Variants in DNASE1L3 observed in about 807,000 individuals in gnomAD.
The protein encoded by DNASE1L3 is deoxyribonuclease 1L3.
In DNASE1L3, 27 loss-of-function variants were observed where a neutral mutation model predicts 30.9. The observed-to-expected ratio is 0.87, with a 90% CI of 0.64 to 1.20. The LOEUF (loss-of-function observed/expected upper bound fraction) is 1.20, where lower values mean the gene tolerates loss of function less well. Among genes scored for constraint, DNASE1L3 ranks in the 50% most tolerant of loss-of-function variants. The pLI is 0.00. For synonymous variants in DNASE1L3, 135 were observed against 138.0 expected (o/e 0.98, Z 0.15); for missense variants, 364 against 378.2 (o/e 0.96, Z 0.31).
At chr3:58,196,425 C>G (rs1354413932) in intron 6 of DNASE1L3, among the ~76,000 whole-genome samples, 3 of 150,782 alleles carry the variant, frequency 2.0e-5, no homozygotes, top group African/African-American at 7.3e-5. Flanking sequence ...TGGTGGCGGG[C>G]GCCTGTAGTC....
chr3:58,210,150 G>A (rs1193554471), intron 1 of DNASE1L3, among the ~76,000 whole-genome samples: 1 of 147,512 alleles, frequency 6.8e-6, no homozygotes, highest in Non-Finnish European at 1.5e-5. Context: ...AGTAAGGAAG[G>A]GAAAGGAAGA....
At chr3:58,208,080 G>T in intron 2 of DNASE1L3, 138 bp downstream of exon 2, 1 of 741,318 alleles carries the variant, frequency 1.3e-6, no homozygotes, top group Non-Finnish European at 2.3e-6. Flanking sequence ...GGCTAAGGGA[G>T]CTGGACTCCT....
intron 2 of DNASE1L3, among the ~76,000 whole-genome samples, chr3:58,206,068 A>T (rs3772987): frequency 0.36 from 54,942 of 151,822 alleles, 10,058 homozygotes; most frequent in Middle Eastern, 0.4. Flanking sequence ...TCTGAAAGCC[A>T]TCAGGCATTT....
At position 58,197,540 on chromosome 3, in the gene DNASE1L3, C is replaced by T. The variant is rs111903065; in HGVS notation, c.704+281G>A. 0.021 allele frequency among the ~76,000 whole-genome samples: 3,235 copies of T among 152,286 alleles called. 107 individuals carry two copies. Among genetic ancestry groups the T allele is most frequent in the African/African-American group, 0.074 (3,062 of 41,544 alleles). On this transcript the variant is annotated intron_variant, in intron 6 of 7. Coordinates refer to ENST00000394549, the MANE Select transcript of DNASE1L3 (RefSeq NM_004944.4). The surrounding 1 kb of genome is among the most constrained non-coding windows in gnomAD (Gnocchi z 5.3). Reference sequence around the variant, plus strand: ...CGATCCTGGCTCACTGCAGCCTCCACCTTCTGGGCTCAAGCGATCCTCCCA... The same window carrying T: ...CGATCCTGGCTCACTGCAGCCTCCATCTTCTGGGCTCAAGCGATCCTCCCA...
chr3:58,194,838 C>T (rs1412710929), intron 6 of DNASE1L3, among the ~76,000 whole-genome samples: 2 of 151,854 alleles, frequency 1.3e-5, no homozygotes, highest in African/African-American at 2.4e-5. Context: ...CTGTGTTAGC[C>T]AGGATGGTCT....
chr3:58,201,275 G>T (rs1364635935), intron 4 of DNASE1L3, among the ~76,000 whole-genome samples, 166 bp from the exon 5 acceptor site: 1 of 152,202 alleles, frequency 6.6e-6, no homozygotes, highest in Non-Finnish European at 1.5e-5. Context: ...TGATCTTGGG[G>T]TCATTAGGCT....
At chr3:58,209,357 G>A (rs1261014903) in intron 1 of DNASE1L3, among the ~76,000 whole-genome samples, 1 of 152,232 alleles carries the variant, frequency 6.6e-6, no homozygotes, top group East Asian at 1.9e-4. Context: ...TTTCATCAGT[G>A]AGGAAGGAGA....
intron 6 of DNASE1L3, 68 bp from the exon 7 acceptor site, chr3:58,193,507 T>C (rs1322524663): frequency 2.2e-6 from 3 of 1,375,166 alleles, no homozygotes; most frequent in Non-Finnish European, 3.1e-6. Flanking sequence ...AACCAAGGTC[T>C]GTGTTTGCTG....
At chr3:58,210,623 G>T in intron 1 of DNASE1L3, 143 bp downstream of exon 1, 1 of 1,259,384 alleles carries the variant, frequency 7.9e-7, no homozygotes, top group Non-Finnish European at 1.1e-6. Context: ...GAGGTACAGA[G>T]AGTTGAAGTG....
rs764788522 is a variant in DNASE1L3, at chr3:58,192,638, A to G, written c.*49T>C. Reference sequence around the variant, plus strand: ...AGGGAGCAGTTCATATCTGTTAGAGACATTTTATTTAGAGGCAAGAAATGG... The same window carrying G: ...AGGGAGCAGTTCATATCTGTTAGAGGCATTTTATTTAGAGGCAAGAAATGG... On this transcript the variant is annotated 3_prime_UTR_variant, in exon 8 of 8. Transcript: ENST00000394549. This position sits in a 1 kb window ranked among gnomAD's most constrained non-coding sequence, Gnocchi z 4.8. The G allele has an allele frequency of 6.4e-6, 10 of 1,560,416 alleles. No homozygotes were observed. Among genetic ancestry groups the G allele is most frequent in the Admixed American group, 1.8e-5 (1 of 54,866 alleles).
At chr3:58,198,003 C>G in intron 5 of DNASE1L3, 25 bp from the exon 6 acceptor site, 1 of 1,588,634 alleles carries the variant, frequency 6.3e-7, no homozygotes, top group South Asian at 1.2e-5. Flanking sequence ...TTGGAACTGT[C>G]ACCTGGTGGG....
chr3:58,201,147 C>G lies in DNASE1L3; in HGVS notation c.434-38G>C, dbSNP rs187597505. 2,062 of 1,547,378 alleles carry G rather than the reference C, an allele frequency of 1.3e-3. 2 individuals are homozygous for G. Among genetic ancestry groups the G allele is most frequent in the Non-Finnish European group, 1.7e-3 (1,897 of 1,126,194 alleles). On this transcript the variant is annotated intron_variant, in intron 4 of 7. Transcript: ENST00000394549. ...AAAGAGGCGGGGGTCACACACTTCC[C>G]CTGTCAAGGTCTCATAAACACTGCT... is the stretch of plus-strand genomic sequence containing the variant.
chr3:58,195,928 T>C (rs1165241536), intron 6 of DNASE1L3, among the ~76,000 whole-genome samples: 1 of 152,176 alleles, frequency 6.6e-6, no homozygotes, highest in African/African-American at 2.4e-5. Context: ...AAAATCAGGA[T>C]CCTTTTAGTA....
intron 1 of DNASE1L3, among the ~76,000 whole-genome samples, chr3:58,208,769 C>T (rs186274051): frequency 4.0e-4 from 61 of 152,228 alleles, no homozygotes; most frequent in African/African-American, 1.3e-3. Flanking sequence ...AAACCTACTC[C>T]GAGCCTTACA....
intron 6 of DNASE1L3, among the ~76,000 whole-genome samples, chr3:58,195,793 A>C (rs1013871467): frequency 6.6e-6 from 1 of 152,124 alleles, no homozygotes; most frequent in Non-Finnish European, 1.5e-5. Flanking sequence ...CTCAAAAAAA[A>C]GAAAAAAAAG....
Position 58,197,849 on chromosome 3 carries a change from T to TCATATGCTCCTACCTGTCATATG in DNASE1L3, c.675_676insCATATGACAGGTAGGAGCATATG (p.Lys226HisfsTer8). On this transcript the variant is annotated frameshift_variant, in exon 6 of 8. Coordinates refer to ENST00000394549, the MANE Select transcript of DNASE1L3 (RefSeq NM_004944.4). LOFTEE classifies it high-confidence loss of function. This position sits in a 1 kb window ranked among gnomAD's most constrained non-coding sequence, Gnocchi z 5.3. ...TCATATGCACAGTTGGTGCTCTTCTTCACCGTGGTGTCCTCTTGGTCCCCG... is the reference window on the plus strand; with the variant it reads ...TCATATGCACAGTTGGTGCTCTTCTTCATATGCTCCTACCTGTCATATGCACCGTGGTGTCCTCTTGGTCCCCG... 6.2e-7 allele frequency: 1 copy of TCATATGCTCCTACCTGTCATATG among 1,614,132 alleles called. No homozygotes were observed. The highest frequency in any genetic ancestry group is 8.5e-7 in the Non-Finnish European group (1 of 1,180,038).
intron 7 of DNASE1L3, chr3:58,193,111 C>G: frequency 1.5e-6 from 2 of 1,377,370 alleles, no homozygotes; most frequent in Non-Finnish European, 1.9e-6. Flanking sequence ...GGATCTCACT[C>G]TGTTGCCCAG....
chr3:58,210,002 C>T (rs973639872), intron 1 of DNASE1L3, among the ~76,000 whole-genome samples: 4 of 151,720 alleles, frequency 2.6e-5, no homozygotes, highest in Non-Finnish European at 4.4e-5. Context: ...GGTATATCAC[C>T]CAAGGAAAGC....
chr3:58,193,253 A>T (rs1310261392), intron 7 of DNASE1L3, 90 bp downstream of exon 7: 1 of 1,533,222 alleles, frequency 6.5e-7, no homozygotes, highest in Non-Finnish European at 8.9e-7. Context: ...ATTTTTTTGA[A>T]TTTTTCATAG....
Sources: allele counts gnomAD v4.1 joint callset (sites outside exome capture counted in the v4.1 genomes callset), GRCh38; gene constraint gnomAD v4.1.1; non-coding constraint Gnocchi (gnomAD v3.1); transcripts MANE v1.5; gene names NCBI Gene and HGNC (gene_info 2026-07-23, HGNC 2026-07-21).